The following ZC4H2 variants were observed in gnomAD, a reference collection of about 807,000 sequenced individuals.
ZC4H2 encodes zinc finger C4H2-type containing.
For synonymous variants in ZC4H2, 84 were observed against 66.3 expected (o/e 1.27, Z -1.30); for missense variants, 137 against 173.9 (o/e 0.79, Z 1.19).
At chrX:64,930,017 C>A (rs1343357856) in intron 1 of ZC4H2, among the ~76,000 whole-genome samples, 1 of 111,420 alleles carries the variant, frequency 9.0e-6, no homozygotes. Context: ...AATATGTTGC[C>A]ATTTGTTTGT....
chrX:64,935,164 G>T (rs1929943605), intron 1 of ZC4H2, among the ~76,000 whole-genome samples: 1 of 111,462 alleles, frequency 9.0e-6, no homozygotes, highest in Non-Finnish European at 1.9e-5. Context: ...CGCCATTTCT[G>T]AGGCTTGAGT....
intron 1 of ZC4H2, among the ~76,000 whole-genome samples, chrX:64,925,881 C>T (rs913920559): frequency 8.9e-6 from 1 of 111,971 alleles, no homozygotes; most frequent in African/African-American, 3.2e-5. Context: ...GGTACATAGC[C>T]ACAATGTCTG....
At chrX:64,950,806 G>T (rs192459637) in intron 1 of ZC4H2, among the ~76,000 whole-genome samples, 7 of 109,476 alleles carry the variant, frequency 6.4e-5, no homozygotes, top group African/African-American at 1.7e-4. Flanking sequence ...TTTTATTTTT[G>T]ATTATTATTA....
intron 3 of ZC4H2, 122 bp downstream of exon 3, chrX:64,919,959 G>C: frequency 1.3e-6 from 1 of 748,173 alleles, no homozygotes; most frequent in Non-Finnish European, 1.8e-6. Context: ...ACTAAAACTA[G>C]GCACTCTGAC....
At chrX:64,944,146 T>TTCTTTTC (rs1569210231) in intron 1 of ZC4H2, among the ~76,000 whole-genome samples, 2 of 101,202 alleles carry the variant, frequency 2.0e-5, no homozygotes, top group Non-Finnish European at 4.0e-5. Context: ...TTTTTCTTTT[T>TTCTTTTC]TTTTTTTTTT....
chrX:65,003,940 C>G (rs1259657932), intron 1 of ZC4H2, among the ~76,000 whole-genome samples: 1 of 110,663 alleles, frequency 9.0e-6, no homozygotes, highest in East Asian at 2.8e-4. Context: ...AAACTAACAC[C>G]AGATAATACT....
At chrX:64,939,469 C>T (rs1433795610) in intron 1 of ZC4H2, among the ~76,000 whole-genome samples, 1 of 112,005 alleles carries the variant, frequency 8.9e-6, no homozygotes, top group Non-Finnish European at 1.9e-5. Context: ...CAAAAAAGAG[C>T]CCACATAGCC....
At chrX:64,926,318 G>A (rs1354175409) in intron 1 of ZC4H2, among the ~76,000 whole-genome samples, 4 of 112,007 alleles carry the variant, frequency 3.6e-5, no homozygotes, top group Non-Finnish European at 7.5e-5. Context: ...TCTATTAAAG[G>A]ACATCTAGAC....
intron 1 of ZC4H2, among the ~76,000 whole-genome samples, chrX:65,012,090 C>T (rs1012597981): frequency 1.9e-5 from 2 of 106,481 alleles, no homozygotes; most frequent in East Asian, 6.0e-4. Flanking sequence ...ATAAAGAAAC[C>T]TAGTACATTA....
chrX:65,003,816 G>C (rs1468781225), intron 1 of ZC4H2, among the ~76,000 whole-genome samples: 1 of 108,743 alleles, frequency 9.2e-6, no homozygotes, highest in Non-Finnish European at 1.9e-5. Flanking sequence ...GGCAGAGCTT[G>C]CAGTAAACCA....
chrX:64,923,434 C>A (rs181337743), intron 1 of ZC4H2, among the ~76,000 whole-genome samples: 17 of 110,275 alleles, frequency 1.5e-4, no homozygotes, highest in African/African-American at 4.9e-4. Context: ...CTCCTTTCTT[C>A]TCCCTCAGTA....
At chrX:65,019,310 C>T (rs750652938) in intron 1 of ZC4H2, among the ~76,000 whole-genome samples, 19 of 111,966 alleles carry the variant, frequency 1.7e-4, no homozygotes, top group Admixed American at 1.2e-3. Flanking sequence ...GTCAGGTGCC[C>T]CTCTGGGACA....
At chrX:64,929,633 C>T (rs1261840185) in intron 1 of ZC4H2, among the ~76,000 whole-genome samples, 1 of 111,422 alleles carries the variant, frequency 9.0e-6, no homozygotes, top group Non-Finnish European at 1.9e-5. Context: ...GTCCTTTCCC[C>T]ACTTTATGTT....
chrX:64,979,676 T>A (rs1220017543), upstream of ZC4H2, among the ~76,000 whole-genome samples: 3 of 112,006 alleles, frequency 2.7e-5, no homozygotes, highest in African/African-American at 9.7e-5. Context: ...AGGTGGTGGC[T>A]TTTCCATAGT....
chrX:65,006,682 C>G (rs1476606326), intron 1 of ZC4H2, among the ~76,000 whole-genome samples: 1 of 111,851 alleles, frequency 8.9e-6, no homozygotes, highest in African/African-American at 3.3e-5. Context: ...ATGTTGTGCA[C>G]ATGTACCCTA....
At chrX:64,960,325 G>GA (rs1040562473) in intron 1 of ZC4H2, among the ~76,000 whole-genome samples, 2 of 109,473 alleles carry the variant, frequency 1.8e-5, no homozygotes, top group Admixed American at 9.7e-5. Flanking sequence ...TTTTTTTAAT[G>GA]AAAAAAAGGG....
chrX:65,010,353 T>C (rs2147285186), intron 1 of ZC4H2, among the ~76,000 whole-genome samples: 1 of 112,689 alleles, frequency 8.9e-6, no homozygotes, highest in East Asian at 2.8e-4. Flanking sequence ...TAGTACTACC[T>C]CAAGTCCGCT....
intron 1 of ZC4H2, among the ~76,000 whole-genome samples, chrX:64,947,076 ACTCT>A (rs1930569492): frequency 9.1e-6 from 1 of 109,690 alleles, no homozygotes; most frequent in African/African-American, 3.3e-5. Flanking sequence ...TTTTCTTGAG[ACTCT>A]CTATGAAATA....
chrX:64,982,249 C>G (rs748743975), intron 1 of ZC4H2, among the ~76,000 whole-genome samples: 1 of 111,980 alleles, frequency 8.9e-6, no homozygotes, highest in African/African-American at 3.2e-5. Context: ...TTCTAACAGC[C>G]TCCTTTATAT....
Sources: gnomAD v4.1 joint callset for allele counts (sites outside exome capture counted in the v4.1 genomes callset) on GRCh38, gnomAD v4.1.1 for gene constraint, MANE v1.5 for transcripts, NCBI Gene and HGNC (gene_info 2026-07-23, HGNC 2026-07-21) for gene names.